Variants in MAF observed in about 807,000 individuals in gnomAD.
MAF encodes the protein transcription factor Maf.
MAF carries 10 observed loss-of-function variants against 22.0 expected under a neutral mutation model. That is an observed-to-expected ratio of 0.45 (90% CI 0.28 to 0.77). The LOEUF (loss-of-function observed/expected upper bound fraction) is 0.77, where lower values mean the gene tolerates loss of function less well. Among genes scored for constraint, MAF ranks in the 30% least tolerant of loss-of-function variants. The pLI, the probability that MAF is intolerant of heterozygous loss-of-function variation, is 0.12. For missense variants in MAF, 544 were observed against 548.4 expected, an observed-to-expected ratio of 0.99 and a Z score of 0.08; for synonymous variants, 337 against 255.8, an observed-to-expected ratio of 1.32 and a Z score of -3.03.
chr16:79,370,590 G>T, the MAF span, among the ~76,000 whole-genome samples: 1 of 152,202 alleles, frequency 6.6e-6, no homozygotes, highest in Non-Finnish European at 1.5e-5. Flanking sequence ...GAAAAGCAGT[G>T]CCACCTCTGC....
chr16:79,465,894 A>G, the MAF span, among the ~76,000 whole-genome samples: 1 of 152,210 alleles, frequency 6.6e-6, no homozygotes. Flanking sequence ...AGCAGGCTTA[A>G]TGATCATTGT....
At chr16:79,413,265 C>T in the MAF span, among the ~76,000 whole-genome samples, 136 of 74,200 alleles carry the variant, frequency 1.8e-3, no homozygotes, top group African/African-American at 5.4e-3. Flanking sequence ...TTTTTTGAGA[C>T]GGAGTCTCGC....
the MAF span, among the ~76,000 whole-genome samples, chr16:79,394,119 C>A: frequency 1.3e-5 from 2 of 152,134 alleles, no homozygotes; most frequent in Non-Finnish European, 2.9e-5. Context: ...CCATGGAGTT[C>A]TCAGCAAGGA....
chr16:79,224,792 C>G, the MAF span, among the ~76,000 whole-genome samples: 3 of 152,008 alleles, frequency 2.0e-5, no homozygotes, highest in Non-Finnish European at 4.4e-5. Flanking sequence ...TACCTAGGAA[C>G]ACAACTTACA....
chr16:79,299,050 C>T, the MAF span, among the ~76,000 whole-genome samples: 2 of 152,244 alleles, frequency 1.3e-5, no homozygotes, highest in East Asian at 3.9e-4. Context: ...GGCACTGGGG[C>T]TCGGCGGCAA....
the MAF span, chr16:79,204,682 T>G: frequency 6.6e-6 from 1 of 152,264 alleles, no homozygotes; most frequent in Non-Finnish European, 1.5e-5. Context: ...ACCCTGCCCT[T>G]CAATCCTGCT....
chr16:79,530,479 G>A, the MAF span, among the ~76,000 whole-genome samples: 1 of 152,000 alleles, frequency 6.6e-6, no homozygotes, highest in South Asian at 2.1e-4. Context: ...TTTGTTTTTG[G>A]AAAATGTATG....
chr16:79,592,950 G>C (rs78400670), downstream of MAF, among the ~76,000 whole-genome samples: 2,809 of 152,248 alleles, frequency 0.018, 24 homozygotes, highest in South Asian at 0.036. Flanking sequence ...GTTTATATTA[G>C]CAGCGCTAAG....
chr16:79,215,631 C>T, the MAF span, among the ~76,000 whole-genome samples: 8 of 152,118 alleles, frequency 5.3e-5, no homozygotes, highest in Non-Finnish European at 1.0e-4. Context: ...CAACATGAGG[C>T]CTCGGGGAAC....
chr16:79,219,616 C>A, the MAF span, among the ~76,000 whole-genome samples: 2 of 146,538 alleles, frequency 1.4e-5, no homozygotes, highest in East Asian at 4.3e-4. Context: ...GTCCCCTTTT[C>A]ACCAATGAGC....
At chr16:79,544,662 T>A in the MAF span, among the ~76,000 whole-genome samples, 1 of 150,734 alleles carries the variant, frequency 6.6e-6, no homozygotes, top group Admixed American at 6.7e-5. Context: ...TAGTCCCAGC[T>A]ACTCGGGAGG....
intron 1 of MAF, chr16:79,596,845 A>G (rs909485784): frequency 9.5e-7 from 1 of 1,049,594 alleles, no homozygotes; most frequent in East Asian, 5.5e-5. Context: ...TGCCATTTTT[A>G]TAACTGCATA....
chr16:79,225,941 T>G, the MAF span, among the ~76,000 whole-genome samples: 4 of 152,184 alleles, frequency 2.6e-5, no homozygotes, highest in East Asian at 5.8e-4. Context: ...AGAGTGTAAA[T>G]TAGTTCAACC....
At chr16:79,340,743 TAGCCCATC>T in the MAF span, among the ~76,000 whole-genome samples, 1 of 152,018 alleles carries the variant, frequency 6.6e-6, no homozygotes, top group Non-Finnish European at 1.5e-5. Context: ...TAGATGCCAG[TAGCCCATC>T]AGCCACCGCT....
chr16:79,241,239 T>C, the MAF span, among the ~76,000 whole-genome samples: 1 of 151,922 alleles, frequency 6.6e-6, no homozygotes, highest in East Asian at 1.9e-4. Context: ...AATAACAAAC[T>C]TCACCGAGCT....
chr16:79,465,784 T>G, the MAF span, among the ~76,000 whole-genome samples: 1 of 152,252 alleles, frequency 6.6e-6, no homozygotes, highest in African/African-American at 2.4e-5. Flanking sequence ...GGAGCTGTAG[T>G]AGGGTCTATC....
the MAF span, among the ~76,000 whole-genome samples, chr16:79,299,130 C>T: frequency 3.2e-4 from 49 of 152,296 alleles, no homozygotes; most frequent in South Asian, 9.5e-3. Context: ...TCTCCCTCCT[C>T]TGCTGTCATT....
chr16:79,451,771 C>T, the MAF span, among the ~76,000 whole-genome samples: 3 of 152,198 alleles, frequency 2.0e-5, no homozygotes, highest in African/African-American at 7.2e-5. Context: ...CCCAAGGCTT[C>T]TAAAGCTTCT....
the MAF span, among the ~76,000 whole-genome samples, chr16:79,349,617 T>G: frequency 6.6e-6 from 1 of 152,172 alleles, no homozygotes; most frequent in Non-Finnish European, 1.5e-5. Flanking sequence ...ACCCAGAGGA[T>G]AGCTGCTGTC....
Sources: gnomAD v4.1 joint callset for allele counts (sites outside exome capture counted in the v4.1 genomes callset) on GRCh38, gnomAD v4.1.1 for gene constraint, MANE v1.5 for transcripts, NCBI Gene and HGNC (gene_info 2026-07-23, HGNC 2026-07-21) for gene names.